MORC3: variants seen among roughly 807,000 people sequenced by gnomAD.
The protein encoded by MORC3 is MORC family CW-type zinc finger 3, also known as MORC family CW-type zinc finger protein 3.
In MORC3, 31 loss-of-function variants were observed where a neutral mutation model predicts 109.1. The observed-to-expected ratio is 0.28, with a 90% CI of 0.21 to 0.38. MORC3 has a LOEUF of 0.38. Ranked by LOEUF, MORC3 falls within the 10% of genes least tolerant of loss-of-function variation. The pLI is 1.00. For missense variants in MORC3, 867 were observed against 1,135.8 expected (o/e 0.76, Z 3.40); for synonymous variants, 395 against 380.7 (o/e 1.04, Z -0.44).
At chr21:36,351,737 A>G (rs755669582) in intron 9 of MORC3, among the ~76,000 whole-genome samples, 2 of 152,216 alleles carry the variant, frequency 1.3e-5, no homozygotes, top group Non-Finnish European at 2.9e-5. Flanking sequence ...TATTAGTGGG[A>G]AAGTAAATTA....
At chr21:36,345,094 T>C in intron 8 of MORC3, 63 bp downstream of exon 8, 6 of 1,433,534 alleles carry the variant, frequency 4.2e-6, no homozygotes, top group South Asian at 1.3e-5. Flanking sequence ...GGATAATATA[T>C]GCTCTTGAGT....
At chr21:36,351,104 C>T (rs536339495) in intron 9 of MORC3, among the ~76,000 whole-genome samples, 1 of 110,626 alleles carries the variant, frequency 9.0e-6, no homozygotes, top group East Asian at 3.1e-4. Flanking sequence ...CTCACTCTGT[C>T]ACTAGGCTGG....
intron 8 of MORC3, among the ~76,000 whole-genome samples, chr21:36,346,304 G>A (rs966290344): frequency 1.3e-5 from 2 of 152,196 alleles, no homozygotes; most frequent in Non-Finnish European, 2.9e-5. Flanking sequence ...CAGGCCTGAG[G>A]CAATGCGCTC....
At chr21:36,344,481 C>G in intron 6 of MORC3, 98 bp from the exon 7 acceptor site, 1 of 1,347,654 alleles carries the variant, frequency 7.4e-7, no homozygotes, top group South Asian at 1.4e-5. Flanking sequence ...GTTAATTGAT[C>G]TTTTATCAAG....
At position 36,337,027 on chromosome 21, in the gene MORC3, C is replaced by CT. The variant is rs746956361; in HGVS notation, c.245+23dup. ...CTAAGGTAGGTAAAAATGTGCCACACTTCTTAAAATTGTTGCTTTTACCTA... is the reference window on the plus strand; with the variant it reads ...CTAAGGTAGGTAAAAATGTGCCACACTTTCTTAAAATTGTTGCTTTTACCTA... On this transcript the variant is annotated intron_variant, in intron 3 of 16. Transcript: ENST00000400485. 1.6e-5 allele frequency: 26 copies of CT among 1,600,980 alleles called. No homozygotes were observed. In the African/African-American group the frequency reaches 3.2e-4, roughly 20 times the overall value.
intron 1 of MORC3, among the ~76,000 whole-genome samples, chr21:36,332,757 AAGTTT>A (rs1254878682): frequency 2.6e-5 from 4 of 151,576 alleles, no homozygotes; most frequent in Non-Finnish European, 5.9e-5. Context: ...TCCTCAGGCC[AAGTTT>A]AGTTTAGTTT....
chr21:36,333,721 A>G lies in MORC3; in HGVS notation c.112+3A>G. On this transcript the variant is annotated splice_donor_region_variant and intron_variant, in intron 2 of 16. Transcript: ENST00000400485. Reference sequence around the variant, plus strand: ...CAGTGCAGTTGCTGAATTAATAGGTATGTAGTTTGACATTTCATATACCAT... The same window carrying G: ...CAGTGCAGTTGCTGAATTAATAGGTGTGTAGTTTGACATTTCATATACCAT... 1 of 1,594,736 alleles carries G rather than the reference A, an allele frequency of 6.3e-7. No individual in the cohort carries two copies. The highest frequency in any genetic ancestry group is 8.6e-7 in the Non-Finnish European group (1 of 1,164,578).
chr21:36,356,590 T>G, intron 9 of MORC3, 30 bp from the exon 10 acceptor site: 2 of 1,397,022 alleles, frequency 1.4e-6, no homozygotes, highest in Non-Finnish European at 1.9e-6. Context: ...GAAAAGAATT[T>G]TTTCTTGATT....
At chr21:36,350,062 A>G (rs79592431) in intron 9 of MORC3, among the ~76,000 whole-genome samples, 9,848 of 152,254 alleles carry the variant, frequency 0.065, 450 homozygotes, top group Non-Finnish European at 0.098. Context: ...CTTAGCACTA[A>G]GGGGGCCCAA....
chr21:36,355,854 C>G (rs1443637594), intron 9 of MORC3, among the ~76,000 whole-genome samples: 1 of 151,644 alleles, frequency 6.6e-6, no homozygotes, highest in African/African-American at 2.4e-5. Flanking sequence ...TACTCAGGCG[C>G]CTCAACCTAC....
At position 36,362,152 on chromosome 21, in the gene MORC3, TAAC is replaced by T. The variant is rs547427247; in HGVS notation, c.1407-26_1407-24del. On this transcript the variant is annotated intron_variant, in intron 12 of 16. Coordinates refer to ENST00000400485, the MANE Select transcript of MORC3 (RefSeq NM_015358.3). ...GTCATTGGGAAATGGGATTGAGAAA[TAAC>T]AACATGTTTTTCATCTTTATTTTAA... The T allele has an allele frequency of 4.0e-4, 635 of 1,607,154 alleles. No individual in the cohort carries two copies. In the African/African-American group the frequency reaches 7.2e-3, roughly 18 times the overall value.
At chr21:36,367,616 G>A (rs1335268979) in intron 14 of MORC3, among the ~76,000 whole-genome samples, 2 of 152,214 alleles carry the variant, frequency 1.3e-5, no homozygotes, top group East Asian at 1.9e-4. Context: ...CTGGTATGGT[G>A]TAGCAAACAT....
rs1007482479 is a variant in MORC3 at position 36,336,242 on chromosome 21, G to C, written c.113-632G>C. 2.1e-5 allele frequency among the ~76,000 whole-genome samples: 3 copies of C among 144,924 alleles called. No individual in the cohort carries two copies. The South Asian group carries it at 6.6e-4, about 32-fold the overall frequency. On this transcript the variant is annotated intron_variant, in intron 2 of 16. Coordinates refer to ENST00000400485, the MANE Select transcript of MORC3 (RefSeq NM_015358.3). ...CACCATGGTCAGCTTTTTTGTTTTTGTTTTTGTTTTTGTTTTTGGAGACAG... is the reference window on the plus strand; with the variant it reads ...CACCATGGTCAGCTTTTTTGTTTTTCTTTTTGTTTTTGTTTTTGGAGACAG...
At chr21:36,342,231 G>C (rs1447713386) in intron 6 of MORC3, among the ~76,000 whole-genome samples, 1 of 152,008 alleles carries the variant, frequency 6.6e-6, no homozygotes, top group Non-Finnish European at 1.5e-5. Context: ...GTGACAGAGT[G>C]AGACGCCATC....
chr21:36,341,238 TTTTC>T (rs1315152061), intron 5 of MORC3, among the ~76,000 whole-genome samples, 157 bp from the exon 6 acceptor site: 2 of 152,134 alleles, frequency 1.3e-5, no homozygotes, highest in East Asian at 1.9e-4. Context: ...CCAGGATCCG[TTTTC>T]TTTCTTTTTC....
chr21:36,360,393 T>C, intron 12 of MORC3, 135 bp downstream of exon 12: 1 of 870,858 alleles, frequency 1.1e-6, no homozygotes, highest in Non-Finnish European at 1.7e-6. Flanking sequence ...GTGCGTAATA[T>C]CAAGGGCTTT....
At chr21:36,356,746 A>G (rs566509816) in intron 10 of MORC3, 22 bp downstream of exon 10, 10 of 1,400,504 alleles carry the variant, frequency 7.1e-6, no homozygotes, top group Non-Finnish European at 8.9e-6. Context: ...TTTAAAACAT[A>G]TCATTTCACT....
intron 1 of MORC3, among the ~76,000 whole-genome samples, chr21:36,329,374 T>C (rs961762457): frequency 8.6e-5 from 13 of 152,028 alleles, no homozygotes; most frequent in Non-Finnish European, 5.9e-5. Flanking sequence ...ATGCATCCCA[T>C]GGGGGCTGAG....
rs1366847091 is a variant in MORC3, at chr21:36,376,602, TTATAA to T, written c.*1309_*1313del. ...GTAATTTCCCAAATTTTAAAATATCTTATAATAAAATAAAAATATATGATGGCTAA... is the reference window on the plus strand; with the variant it reads ...GTAATTTCCCAAATTTTAAAATATCTTAAAATAAAAATATATGATGGCTAA... On this transcript the variant is annotated 3_prime_UTR_variant, in exon 17 of 17. Transcript: ENST00000400485. The T allele has an allele frequency of 2.0e-5, 3 of 152,166 alleles. No individual in the cohort carries two copies. The highest frequency in any genetic ancestry group is 2.9e-5 in the Non-Finnish European group (2 of 68,030). 9.4% of individuals were successfully genotyped at this position (152,166 alleles called of 1,614,324 possible). A position where few individuals can be genotyped will look rare whatever the true frequency, so the allele number is the denominator to read the frequency against.
Sources: allele counts gnomAD v4.1 joint callset (sites outside exome capture counted in the v4.1 genomes callset), GRCh38; gene constraint gnomAD v4.1.1; transcripts MANE v1.5; gene names NCBI Gene and HGNC (gene_info 2026-07-23, HGNC 2026-07-21).